SRRM1: variants seen among roughly 807,000 people sequenced by gnomAD.
SRRM1 encodes the protein serine and arginine repetitive matrix 1, also known as serine/arginine repetitive matrix protein 1.
In SRRM1, 19 loss-of-function variants were observed where a neutral mutation model predicts 110.2. The ratio of observed to expected loss-of-function variants is 0.17; its 90% confidence interval spans 0.12 to 0.25. The LOEUF is 0.25. Among genes scored for constraint, SRRM1 ranks in the 10% least tolerant of loss-of-function variants. The pLI, the probability that SRRM1 is intolerant of heterozygous loss-of-function variation, is 1.00. For missense variants in SRRM1, 918 were observed against 1,145.8 expected (o/e 0.80, Z 2.87); for synonymous variants, 443 against 414.9 (o/e 1.07, Z -0.82).
chr1:24,643,659 G>C (rs1039438755), intron 1 of SRRM1: 2 of 372,870 alleles, frequency 5.4e-6, no homozygotes, highest in Non-Finnish European at 9.6e-6. Context: ...AGCGCCGTGC[G>C]TGCCGCCGGG....
chr1:24,651,263 AT>A (rs1287053883), intron 5 of SRRM1, 145 bp from the exon 6 acceptor site: 2 of 643,746 alleles, frequency 3.1e-6, no homozygotes, highest in East Asian at 2.7e-5. Flanking sequence ...TGTCAAGTAG[AT>A]TAGGTTAGCA....
chr1:24,653,077 G>A (rs1456741131), intron 8 of SRRM1, 45 bp downstream of exon 8: 1 of 1,569,710 alleles, frequency 6.4e-7, no homozygotes, highest in South Asian at 1.2e-5. Context: ...TGACACTTCT[G>A]GATAATCTTT....
In SRRM1 at chr1:24,652,609, C is replaced by T. The variant is rs200428564; in HGVS notation, c.901C>T (p.Arg301Cys). ...RSPSHTRPRR[R>C]HRSRSRSYSP... ...TCCTTCTCACACTCGACCTAGACGG[C>T]GCCATAGATCCCGATCAAGGTGAGT... The change falls in exon 7 of 17, where the codon CGC (arginine) becomes TGC (cysteine). Residue 301 changes from arginine to cysteine, a missense_variant. Transcript: ENST00000323848. 7.5e-6 allele frequency: 12 copies of T among 1,604,748 alleles called. No individual in the cohort carries two copies. Among genetic ancestry groups the T allele is most frequent in the South Asian group, 2.2e-5 (2 of 88,998 alleles).
Position 24,651,395 on chromosome 1 carries a change from T to C in SRRM1, c.522-14T>C. 6.2e-7 allele frequency: 1 copy of C among 1,606,724 alleles called. No individual in the cohort carries two copies. Among genetic ancestry groups the C allele is most frequent in the Non-Finnish European group, 8.5e-7 (1 of 1,176,228 alleles). On this transcript the variant is annotated splice_polypyrimidine_tract_variant and intron_variant, in intron 5 of 16. Coordinates refer to ENST00000323848, the MANE Select transcript of SRRM1 (RefSeq NM_005839.4). ...TGTTATTTAAAAACCTGAAAAAAAT[T>C]ACTTTCATCCTAGACGCAAATCCAG...
chr1:24,648,593 A>G, intron 3 of SRRM1: 1 of 300,728 alleles, frequency 3.3e-6, no homozygotes, highest in Admixed American at 4.9e-5. Context: ...CACAGAGTCT[A>G]AAAATACTTA....
In SRRM1 at chr1:24,658,999, G is replaced by A. The variant is rs139997532; in HGVS notation, c.1316-1720G>A. On this transcript the variant is annotated intron_variant, in intron 9 of 16. Transcript: ENST00000323848. The stretch of plus-strand genomic sequence containing the variant: ...ACCCGAGGTTGGGAGTTCAAGACCC[G>A]CGTGACCAACATGGAGAAACCCTGT... Among the ~76,000 whole-genome samples, 656 of 152,250 alleles carry A rather than the reference G, an allele frequency of 4.3e-3. 4 individuals carry two copies. In the Middle Eastern group the frequency reaches 0.044, roughly 10 times the overall value.
intron 11 of SRRM1, among the ~76,000 whole-genome samples, chr1:24,661,758 C>T (rs1667333514): frequency 1.3e-5 from 2 of 152,166 alleles, no homozygotes; most frequent in Non-Finnish European, 2.9e-5. Flanking sequence ...TGTTGCCTCA[C>T]TTTTTAACTT....
chr1:24,643,413 T>G, intron 1 of SRRM1, 66 bp downstream of exon 1: 1 of 1,443,860 alleles, frequency 6.9e-7, no homozygotes, highest in Non-Finnish European at 9.2e-7. Context: ...GTAGGAGACC[T>G]TAGCTTGGCA....
chr1:24,645,384 ATAAT>A (rs1479193376), intron 1 of SRRM1, among the ~76,000 whole-genome samples: 1 of 152,242 alleles, frequency 6.6e-6, no homozygotes, highest in Non-Finnish European at 1.5e-5. Context: ...AATGAAAAGA[ATAAT>A]TAGTGATCAC....
intron 5 of SRRM1, among the ~76,000 whole-genome samples, chr1:24,650,781 C>T (rs561905684): frequency 4.6e-5 from 7 of 152,268 alleles, no homozygotes; most frequent in Non-Finnish European, 1.0e-4. Context: ...ATTTATAGAG[C>T]TAAGCACAAA....
chr1:24,664,752 TGCTAAAGCATTCCTTTCCCA>T (rs1669034257), intron 12 of SRRM1, among the ~76,000 whole-genome samples: 2 of 152,236 alleles, frequency 1.3e-5, no homozygotes, highest in South Asian at 4.1e-4. Flanking sequence ...TTAGTTTGGC[TGCTAAAGCATTCCTTTCCCA>T]GCTATAATTA....
In SRRM1 at chr1:24,670,417, C is replaced by CT. The variant is rs995031758; in HGVS notation, c.2400+109dup. On this transcript the variant is annotated intron_variant, in intron 15 of 16. Transcript: ENST00000323848. ...GGGCATTAAAATATTGGTGTTTAAA[C>CT]TTTTTTTCCCATTTGTGAGTTATAC... 63 of 1,234,652 alleles carry CT rather than the reference C, an allele frequency of 5.1e-5. No homozygotes were observed. In the African/African-American group the frequency reaches 7.3e-4, roughly 14 times the overall value. The allele number at this position is 1,234,652 out of a possible 1,614,324, so 76.5% of individuals were successfully genotyped here.
rs765892322 is a variant in SRRM1, at chr1:24,666,859, G to A, written c.1673G>A (p.Arg558Gln). 12 of 1,613,268 alleles carry A rather than the reference G, an allele frequency of 7.4e-6. No homozygotes were observed. Among genetic ancestry groups the A allele is most frequent in the South Asian group, 1.1e-5 (1 of 91,012 alleles). Reference sequence around the variant, plus strand: ...CCATCCCCACCACCCACCAGAAGGCGACGGTCTCCTTCTCCCGCCCCTCCT... The same window carrying A: ...CCATCCCCACCACCCACCAGAAGGCAACGGTCTCCTTCTCCCGCCCCTCCT... The part of the protein sequence containing the change: ...RSPSPPPTRR[R>Q]RSPSPAPPPR... The change falls in exon 13 of 17, where the codon CGA becomes CAA. Residue 558 changes from arginine (R) to glutamine (Q), a missense_variant. This residue lies in a region of SRRM1 where 357 missense variants were observed against 402.9 expected (regional missense o/e 0.89). Coordinates refer to ENST00000323848, the MANE Select transcript of SRRM1 (RefSeq NM_005839.4).
rs1259955214 is a variant in SRRM1, at chr1:24,649,976, A to G, written c.411A>G (p.Glu137=). The G allele has an allele frequency of 1.9e-6, 3 of 1,579,210 alleles. No homozygotes were observed. In the South Asian group the frequency reaches 3.6e-5, roughly 19 times the overall value. ...KKEEIKQRQI[E]QEKLASMKKQ... is the part of the protein sequence containing the mutation. ...TGAAAACCTGGTCTTTGCAGATTGA[A>G]CAAGAAAAACTGGCATCTATGAAAA... Residue 137 remains glutamate, a synonymous_variant, in exon 5 of 17, where the codon GAA becomes GAG. Coordinates refer to ENST00000323848, the MANE Select transcript of SRRM1 (RefSeq NM_005839.4).
At chr1:24,651,300 T>G (rs1660524105) in intron 5 of SRRM1, 109 bp from the exon 6 acceptor site, 2 of 833,858 alleles carry the variant, frequency 2.4e-6, no homozygotes, top group Non-Finnish European at 3.8e-6. Flanking sequence ...GGGAAACATC[T>G]CAGATATAAA....
rs945049437 is a variant in SRRM1 at position 24,670,293 on chromosome 1, C to A, written c.2378C>A (p.Thr793Lys). 2.5e-6 allele frequency: 4 copies of A among 1,612,772 alleles called. No homozygotes were observed. Among genetic ancestry groups the A allele is most frequent in the Admixed American group, 1.7e-5 (1 of 59,604 alleles). ...CCGGTCAAAAAGGCCAAAAGCCCAA[C>A]ACCGAGCCCATCACCGCCAAGAGTA... ...AVPVKKAKSPTPSPSPPRNSD... is the reference protein window; with the variant it reads ...AVPVKKAKSPKPSPSPPRNSD... The change falls in exon 15 of 17, where the codon ACA becomes AAA. Residue 793 changes from threonine to lysine, a missense_variant. Thr to Lys is a moderately conservative substitution (Grantham distance 78). This residue lies in a region of SRRM1 where 357 missense variants were observed against 402.9 expected (regional missense o/e 0.89). Transcript: ENST00000323848.
chr1:24,654,505 C>T (rs1299341661), intron 8 of SRRM1, among the ~76,000 whole-genome samples: 2 of 152,122 alleles, frequency 1.3e-5, no homozygotes, highest in Non-Finnish European at 2.9e-5. Context: ...TGGAAAATAC[C>T]TTGCCCCCAA....
chr1:24,646,255 A>C (rs113474712), intron 2 of SRRM1, among the ~76,000 whole-genome samples, 182 bp downstream of exon 2: 116 of 152,246 alleles, frequency 7.6e-4, no homozygotes, highest in African/African-American at 2.6e-3. Flanking sequence ...TGGCTGGGCG[A>C]GGTGGCTCAC....
intron 5 of SRRM1, chr1:24,650,449 C>T (rs749311949): frequency 7.0e-5 from 11 of 156,176 alleles, no homozygotes; most frequent in Non-Finnish European, 9.9e-5. Flanking sequence ...AATCTGTACT[C>T]GAAATCTGTA....
Sources: gnomAD v4.1 joint callset for allele counts (sites outside exome capture counted in the v4.1 genomes callset) on GRCh38, gnomAD v4.1.1 for gene constraint, gnomAD v4.1.1 regional missense constraint, MANE v1.5 for transcripts, NCBI Gene and HGNC (gene_info 2026-07-23, HGNC 2026-07-21) for gene names.